Variants in SLCO1A2 observed in about 807,000 individuals in gnomAD.
SLCO1A2 encodes the protein OATP-1.
SLCO1A2 carries 67 observed loss-of-function variants against 69.0 expected under a neutral mutation model. That is an observed-to-expected ratio of 0.97 (90% CI 0.80 to 1.19). SLCO1A2 has a LOEUF of 1.19. SLCO1A2 is among the 50% of genes most tolerant of loss of function. The pLI, the probability that SLCO1A2 is intolerant of heterozygous loss-of-function variation, is 0.00. For missense variants in SLCO1A2, 787 were observed against 793.7 expected (o/e 0.99, Z 0.10); for synonymous variants, 260 against 265.9 (o/e 0.98, Z 0.22).
chr12:21,294,025 C>T lies in SLCO1A2; in HGVS notation c.1357G>A (p.Val453Met). Reference protein sequence around the residue: ...CNCPSKIWDPVCGNNGLSYLS... With the variant: ...CNCPSKIWDPMCGNNGLSYLS... ...TATGACAAGCCATTGTTTCCACACACAGGATCCCATATTTTAGATGGACAG... is the reference window on the plus strand; with the variant it reads ...TATGACAAGCCATTGTTTCCACACATAGGATCCCATATTTTAGATGGACAG... Residue 453 changes from valine to methionine, a missense_variant, in exon 11 of 15, where the codon GTG (valine) becomes ATG (methionine). Coordinates refer to ENST00000683939, the MANE Select transcript of SLCO1A2 (RefSeq NM_001386879.1). 6.2e-7 allele frequency: 1 copy of T among 1,612,764 alleles called. No homozygotes were observed. Among genetic ancestry groups the T allele is most frequent in the East Asian group, 2.2e-5 (1 of 44,720 alleles).
intron 1 of SLCO1A2, among the ~76,000 whole-genome samples, chr12:21,416,406 C>A (rs988895301): frequency 6.6e-6 from 1 of 151,864 alleles, no homozygotes; most frequent in Non-Finnish European, 1.5e-5. Flanking sequence ...AAATCACTCG[C>A]TCTCCCAAAT....
chr12:21,334,555 A>G (rs1218865457), intron 2 of SLCO1A2, 33 bp downstream of exon 2: 15 of 1,510,080 alleles, frequency 9.9e-6, no homozygotes, highest in Non-Finnish European at 1.0e-5. Context: ...ACTAGTGTAC[A>G]TGCACATATA....
chr12:21,343,606 T>C (rs1421954832), intron 2 of SLCO1A2, among the ~76,000 whole-genome samples: 1 of 152,144 alleles, frequency 6.6e-6, no homozygotes, highest in African/African-American at 2.4e-5. Flanking sequence ...ATTGCAGGAT[T>C]TGTGAACATC....
chr12:21,358,267 C>A (rs1022298759), intron 2 of SLCO1A2, among the ~76,000 whole-genome samples: 3 of 152,242 alleles, frequency 2.0e-5, no homozygotes, highest in African/African-American at 7.2e-5. Flanking sequence ...ATTAAGCTTG[C>A]TAATTTGCAG....
intron 2 of SLCO1A2, among the ~76,000 whole-genome samples, chr12:21,364,246 T>C (rs576390879): frequency 1.3e-5 from 2 of 152,188 alleles, no homozygotes; most frequent in East Asian, 1.9e-4. Context: ...GTTCAACATA[T>C]GCAAATCAAT....
chr12:21,293,881 C>A, intron 11 of SLCO1A2, 64 bp downstream of exon 11: 1 of 1,358,676 alleles, frequency 7.4e-7, no homozygotes, highest in South Asian at 1.5e-5. Flanking sequence ...TAAATATAGG[C>A]CCAGTTCATA....
At chr12:21,325,452 AAATG>A (rs1952150384) in intron 2 of SLCO1A2, among the ~76,000 whole-genome samples, 1 of 152,154 alleles carries the variant, frequency 6.6e-6, no homozygotes, top group African/African-American at 2.4e-5. Flanking sequence ...TTCTGGTGAA[AAATG>A]ATTTGAGTTC....
chr12:21,377,551 G>A (rs78331403), intron 1 of SLCO1A2, among the ~76,000 whole-genome samples: 10,488 of 152,210 alleles, frequency 0.069, 404 homozygotes, highest in African/African-American at 0.11. Flanking sequence ...CCAATGGTTA[G>A]TAACTCCCTA....
intron 2 of SLCO1A2, among the ~76,000 whole-genome samples, chr12:21,358,588 AT>A (rs984539143): frequency 6.6e-6 from 1 of 152,086 alleles, no homozygotes; most frequent in African/African-American, 2.4e-5. Flanking sequence ...TATATAGATA[AT>A]TTTGTGTCTT....
chr12:21,340,312 G>A (rs1411334012), intron 2 of SLCO1A2, among the ~76,000 whole-genome samples: 1 of 152,012 alleles, frequency 6.6e-6, no homozygotes, highest in African/African-American at 2.4e-5. Flanking sequence ...GGTTATGTGT[G>A]TGGGGAAAAT....
intron 4 of SLCO1A2, among the ~76,000 whole-genome samples, chr12:21,307,449 G>A (rs1286371210): frequency 2.6e-5 from 4 of 152,180 alleles, no homozygotes; most frequent in Non-Finnish European, 4.4e-5. Flanking sequence ...CTGAGAAACC[G>A]TACAATAACT....
chr12:21,297,939 AATGAAAG>A (rs1947990263), intron 8 of SLCO1A2, among the ~76,000 whole-genome samples: 1 of 152,172 alleles, frequency 6.6e-6, no homozygotes, highest in Non-Finnish European at 1.5e-5. Flanking sequence ...AGCTCATTAG[AATGAAAG>A]ATGCTTGTTC....
chr12:21,355,045 A>G (rs1938252650), intron 2 of SLCO1A2: 1 of 152,202 alleles, frequency 6.6e-6, no homozygotes, highest in Non-Finnish European at 1.5e-5. Flanking sequence ...CATATGTTCA[A>G]AAATACACTA....
chr12:21,291,362 G>A (rs1008670381), intron 12 of SLCO1A2, among the ~76,000 whole-genome samples: 2 of 152,118 alleles, frequency 1.3e-5, no homozygotes, highest in Non-Finnish European at 1.5e-5. Context: ...ATACTTAAGT[G>A]AGCAGCTATG....
intron 1 of SLCO1A2, among the ~76,000 whole-genome samples, chr12:21,415,615 C>A (rs1415895329): frequency 6.6e-6 from 1 of 151,902 alleles, no homozygotes; most frequent in Non-Finnish European, 1.5e-5. Flanking sequence ...TTATTGTGGA[C>A]CCCAGTGTTG....
chr12:21,394,213 C>G (rs1227459269), intron 1 of SLCO1A2, among the ~76,000 whole-genome samples: 1 of 152,152 alleles, frequency 6.6e-6, no homozygotes, highest in East Asian at 1.9e-4. Flanking sequence ...TCTTCCCATT[C>G]TGGTCAGCTT....
chr12:21,275,269 G>A, intron 13 of SLCO1A2, 91 bp downstream of exon 13: 1 of 1,189,022 alleles, frequency 8.4e-7, no homozygotes, highest in Non-Finnish European at 1.2e-6. Flanking sequence ...CCTGCACGTT[G>A]TGCACATGTA....
intron 6 of SLCO1A2, among the ~76,000 whole-genome samples, chr12:21,303,123 A>G (rs1202005485): frequency 6.6e-6 from 1 of 152,162 alleles, no homozygotes; most frequent in Non-Finnish European, 1.5e-5. Flanking sequence ...CACACACTAT[A>G]TATGTATATA....
At chr12:21,289,334 C>T (rs999535262) in intron 12 of SLCO1A2, among the ~76,000 whole-genome samples, 41 of 151,934 alleles carry the variant, frequency 2.7e-4, no homozygotes, top group Non-Finnish European at 7.4e-5. Context: ...TGTATTTTGT[C>T]ATTCTTAAGG....
Sources: allele counts gnomAD v4.1 joint callset (sites outside exome capture counted in the v4.1 genomes callset), GRCh38; gene constraint gnomAD v4.1.1; transcripts MANE v1.5; gene names NCBI Gene and HGNC (gene_info 2026-07-23, HGNC 2026-07-21).